JMJD1C: variants seen among roughly 807,000 people sequenced by gnomAD.
JMJD1C encodes the protein jumonji domain-containing protein 1C.
Under a neutral mutation model 245.3 loss-of-function variants are expected in JMJD1C, and 31 were observed. That is an observed-to-expected ratio of 0.13 (90% CI 0.09 to 0.17). JMJD1C has a LOEUF of 0.17. Ranked by LOEUF, JMJD1C falls within the 10% of genes least tolerant of loss-of-function variation. The probability of loss-of-function intolerance (pLI) is 1.00; values close to 1 mark genes in which losing one functional copy is unlikely to be tolerated. For synonymous variants in JMJD1C, 1,057 were observed against 1,017.4 expected, an observed-to-expected ratio of 1.04 and a Z score of -0.74; for missense variants, 2,691 against 3,000.2, an observed-to-expected ratio of 0.90 and a Z score of 2.41.
chr10:63,273,243 G>C (rs1173827913), intron 2 of JMJD1C, among the ~76,000 whole-genome samples: 2 of 152,314 alleles, frequency 1.3e-5, no homozygotes, highest in South Asian at 2.1e-4. Context: ...GTCCAGGCCA[G>C]AGTGCAGTGG....
chr10:63,359,958 T>G (rs1225428078), intron 2 of JMJD1C, among the ~76,000 whole-genome samples: 1 of 152,090 alleles, frequency 6.6e-6, no homozygotes, highest in Non-Finnish European at 1.5e-5. Flanking sequence ...AAAAAAGGTA[T>G]GGAAGACCTT....
intron 2 of JMJD1C, among the ~76,000 whole-genome samples, chr10:63,346,978 T>C (rs532751252): frequency 2.3e-4 from 35 of 152,112 alleles, no homozygotes; most frequent in African/African-American, 7.7e-4. Flanking sequence ...CCATGATACA[T>C]ATTTTCACAC....
In JMJD1C at chr10:63,261,138, T is replaced by C. The variant is rs74137711; in HGVS notation, c.447+3513A>G. On this transcript the variant is annotated intron_variant, in intron 3 of 25. Transcript: ENST00000399262. Reference sequence around the variant, plus strand: ...GACACTTAACAATATCGAGGCCTGTTGCTTCAGTGGCCTAATTAATATATA... The same window carrying C: ...GACACTTAACAATATCGAGGCCTGTCGCTTCAGTGGCCTAATTAATATATA... Among the ~76,000 whole-genome samples, 45 of 152,290 alleles carry C rather than the reference T, an allele frequency of 3.0e-4. 1 individual carries two copies. The highest frequency in any genetic ancestry group is 9.1e-4 in the African/African-American group (38 of 41,538).
Position 63,363,458 on chromosome 10 carries a change from A to G in JMJD1C, c.333+16860T>C, listed in dbSNP as rs1403582261. Among the ~76,000 whole-genome samples the G allele has an allele frequency of 4.0e-5, 6 of 151,440 alleles. No homozygotes were observed. The South Asian group carries it at 6.3e-4, about 16-fold the overall frequency. ...TTTTTGGTAGAGATGGGGTTTCACA[A>G]TGTTGCCCAGGCTGGCTGAGAACTC... On this transcript the variant is annotated intron_variant, in intron 2 of 25. Coordinates refer to ENST00000399262, the MANE Select transcript of JMJD1C (RefSeq NM_032776.3).
At chr10:63,487,453 G>C (rs1411995873) in intron 1 of JMJD1C, among the ~76,000 whole-genome samples, 4 of 152,220 alleles carry the variant, frequency 2.6e-5, no homozygotes, top group African/African-American at 9.7e-5. Flanking sequence ...GCAGTGGATA[G>C]AGGCTAGGAT....
At chr10:63,338,477 C>T (rs978954314) in intron 2 of JMJD1C, among the ~76,000 whole-genome samples, 2 of 151,798 alleles carry the variant, frequency 1.3e-5, no homozygotes, top group African/African-American at 2.4e-5. Context: ...TGTTGCCTGG[C>T]TGTTTTTGAA....
At chr10:63,453,252 G>GT (rs1194407839) in intron 1 of JMJD1C, among the ~76,000 whole-genome samples, 1 of 152,180 alleles carries the variant, frequency 6.6e-6, no homozygotes, top group Non-Finnish European at 1.5e-5. Context: ...TCCAGCCTGG[G>GT]TGACAGAGCA....
intron 1 of JMJD1C, among the ~76,000 whole-genome samples, chr10:63,493,505 C>T (rs1487887843): frequency 1.3e-5 from 2 of 152,094 alleles, no homozygotes; most frequent in Non-Finnish European, 1.5e-5. Flanking sequence ...TAGTCTCAAA[C>T]TCCTGACCTC....
chr10:63,310,766 A>T (rs1256074523), intron 2 of JMJD1C, among the ~76,000 whole-genome samples: 3 of 152,094 alleles, frequency 2.0e-5, no homozygotes, highest in Non-Finnish European at 2.9e-5. Context: ...ATTTTTTTTT[A>T]AATACAACTT....
intron 2 of JMJD1C, among the ~76,000 whole-genome samples, chr10:63,330,742 C>T (rs2134164536): frequency 6.6e-6 from 1 of 152,228 alleles, no homozygotes; most frequent in South Asian, 2.1e-4. Context: ...AGATAATATT[C>T]TAAAATCAAA....
intron 22 of JMJD1C, among the ~76,000 whole-genome samples, chr10:63,180,390 G>A (rs975337302): frequency 1.6e-4 from 25 of 152,334 alleles, no homozygotes; most frequent in Non-Finnish European, 3.5e-4. Flanking sequence ...CCATTCAAGA[G>A]CTCATGGAGT....
intron 1 of JMJD1C, among the ~76,000 whole-genome samples, chr10:63,460,349 T>G (rs113797959): frequency 0.037 from 5,606 of 152,072 alleles, 330 homozygotes; most frequent in East Asian, 0.29. Context: ...AGACCTCATC[T>G]CTACAAAAAA....
At chr10:63,226,814 T>C (rs1482893490) in intron 3 of JMJD1C, among the ~76,000 whole-genome samples, 1 of 151,454 alleles carries the variant, frequency 6.6e-6, no homozygotes, top group Non-Finnish European at 1.5e-5. Flanking sequence ...TCCCAGCACT[T>C]TGGGAAGCCG....
intron 2 of JMJD1C, among the ~76,000 whole-genome samples, chr10:63,322,143 C>T (rs1212233158): frequency 6.6e-6 from 1 of 152,136 alleles, no homozygotes; most frequent in East Asian, 1.9e-4. Context: ...TTTTTTCCTA[C>T]ATGTTTATTC....
At chr10:63,403,479 A>G (rs2132607131) in intron 1 of JMJD1C, among the ~76,000 whole-genome samples, 1 of 152,340 alleles carries the variant, frequency 6.6e-6, no homozygotes. Context: ...CATTGAACAC[A>G]ATGTCTTTGA....
intron 1 of JMJD1C, among the ~76,000 whole-genome samples, chr10:63,512,942 C>A (rs941174674): frequency 3.9e-5 from 6 of 152,100 alleles, no homozygotes; most frequent in African/African-American, 1.4e-4. Flanking sequence ...TCCTCAAGCT[C>A]AGAGATTTTT....
intron 2 of JMJD1C, among the ~76,000 whole-genome samples, chr10:63,357,866 C>CACACACACAG (rs1491307054): frequency 4.7e-4 from 65 of 137,858 alleles, no homozygotes; most frequent in African/African-American, 8.3e-4. Context: ...CACACACACA[C>CACACACACAG]AGAGACAAAC....
chr10:63,305,653 T>TGTGTGC (rs1938090916), intron 2 of JMJD1C, among the ~76,000 whole-genome samples: 2 of 128,132 alleles, frequency 1.6e-5, no homozygotes, highest in Admixed American at 1.7e-4. Flanking sequence ...TGTGTGTGTG[T>TGTGTGC]GTGTGTGTGT....
intron 2 of JMJD1C, among the ~76,000 whole-genome samples, chr10:63,269,418 A>G (rs1856017673): frequency 1.3e-5 from 2 of 152,360 alleles, no homozygotes; most frequent in South Asian, 2.1e-4. Context: ...CGAGACTGAA[A>G]GCTCAAGTTT....
Sources: allele counts gnomAD v4.1 joint callset (sites outside exome capture counted in the v4.1 genomes callset), GRCh38; gene constraint gnomAD v4.1.1; transcripts MANE v1.5; gene names NCBI Gene and HGNC (gene_info 2026-07-23, HGNC 2026-07-21).